The following GABRB2 variants were observed in gnomAD, a reference collection of about 807,000 sequenced individuals.
The protein encoded by GABRB2 is gamma-aminobutyric acid type A receptor subunit beta2, also known as gamma-aminobutyric acid receptor subunit beta-2.
In GABRB2, 16 loss-of-function variants were observed where a neutral mutation model predicts 54.7. The observed-to-expected ratio is 0.29, with a 90% CI of 0.20 to 0.44. GABRB2 has a LOEUF of 0.44. GABRB2 is among the 20% of genes least tolerant of loss of function. The pLI, the probability that GABRB2 is intolerant of heterozygous loss-of-function variation, is 1.00. For synonymous variants in GABRB2, 244 were observed against 233.8 expected, an observed-to-expected ratio of 1.04 and a Z score of -0.40; for missense variants, 355 against 644.0, an observed-to-expected ratio of 0.55 and a Z score of 4.86.
intron 3 of GABRB2, among the ~76,000 whole-genome samples, chr5:161,536,707 C>T (rs1760648508): frequency 6.6e-6 from 1 of 152,084 alleles, no homozygotes; most frequent in East Asian, 1.9e-4. Context: ...AGCAATTCTC[C>T]CTGCCTCAGC....
chr5:161,434,415 C>A (rs1394145296), intron 4 of GABRB2, among the ~76,000 whole-genome samples: 1 of 152,140 alleles, frequency 6.6e-6, no homozygotes, highest in Non-Finnish European at 1.5e-5. Flanking sequence ...AAGATAAAGT[C>A]CAGGCTCTTA....
intron 3 of GABRB2, among the ~76,000 whole-genome samples, chr5:161,522,255 G>A (rs1267610811): frequency 6.6e-6 from 1 of 151,766 alleles, no homozygotes; most frequent in Non-Finnish European, 1.5e-5. Flanking sequence ...CCTCTGGAAA[G>A]AGTATCCAGT....
chr5:161,448,880 A>G (rs1757711305), intron 4 of GABRB2, among the ~76,000 whole-genome samples: 1 of 152,192 alleles, frequency 6.6e-6, no homozygotes, highest in African/African-American at 2.4e-5. Flanking sequence ...CTGTATTTAT[A>G]AGAAAAGCAA....
At chr5:161,501,860 A>T (rs182315400) in intron 3 of GABRB2, among the ~76,000 whole-genome samples, 78 of 149,954 alleles carry the variant, frequency 5.2e-4, no homozygotes, top group Non-Finnish European at 1.0e-3. Flanking sequence ...CTAAAATATA[A>T]GTTAAATAAC....
intron 5 of GABRB2, among the ~76,000 whole-genome samples, chr5:161,354,807 C>CA (rs1041941796): frequency 3.9e-5 from 6 of 152,036 alleles, no homozygotes; most frequent in African/African-American, 1.2e-4. Flanking sequence ...AAGACTAATG[C>CA]AAAAAAATTA....
At chr5:161,514,331 A>G (rs1759868543) in intron 3 of GABRB2, among the ~76,000 whole-genome samples, 2 of 152,062 alleles carry the variant, frequency 1.3e-5, no homozygotes, top group South Asian at 4.1e-4. Flanking sequence ...CTACTCTCTC[A>G]TACATCCACC....
intron 9 of GABRB2, among the ~76,000 whole-genome samples, chr5:161,308,347 T>C (rs1757762421): frequency 2.0e-5 from 3 of 152,156 alleles, no homozygotes; most frequent in Non-Finnish European, 4.4e-5. Context: ...ACTACATCAA[T>C]TGAGCCAATG....
intron 3 of GABRB2, among the ~76,000 whole-genome samples, chr5:161,535,103 T>C (rs1252008593): frequency 6.6e-6 from 1 of 152,178 alleles, no homozygotes; most frequent in African/African-American, 2.4e-5. Context: ...AGGAAAATTA[T>C]TAGACAAGTT....
chr5:161,332,653 A>C (rs908527041), intron 7 of GABRB2, among the ~76,000 whole-genome samples: 10 of 152,226 alleles, frequency 6.6e-5, no homozygotes, highest in Non-Finnish European at 1.5e-4. Flanking sequence ...AAAGTTATAG[A>C]GTTGCCATTG....
intron 5 of GABRB2, among the ~76,000 whole-genome samples, chr5:161,337,863 C>A (rs1467384253): frequency 6.6e-6 from 1 of 152,068 alleles, no homozygotes; most frequent in Non-Finnish European, 1.5e-5. Context: ...TTTCAAAGAA[C>A]TTTTGCATCT....
At chr5:161,416,622 G>T (rs1271594688) in intron 4 of GABRB2, among the ~76,000 whole-genome samples, 3 of 146,730 alleles carry the variant, frequency 2.0e-5, no homozygotes, top group Non-Finnish European at 4.5e-5. Context: ...GCGTGAACCC[G>T]GGAGGCGGAG....
At chr5:161,362,752 T>C (rs2113454473) in intron 5 of GABRB2, among the ~76,000 whole-genome samples, 1 of 152,220 alleles carries the variant, frequency 6.6e-6, no homozygotes. Context: ...AAGACATTTA[T>C]GCAGCCAACA....
chr5:161,460,377 C>T (rs982074207), intron 3 of GABRB2, among the ~76,000 whole-genome samples: 1 of 152,142 alleles, frequency 6.6e-6, no homozygotes, highest in Non-Finnish European at 1.5e-5. Context: ...CATTCTTACC[C>T]AGTACCTGGC....
rs565963375 is a variant in GABRB2 at position 161,419,723 on chromosome 5, G to A, written c.459-8666C>T. Among the ~76,000 whole-genome samples, 4 of 152,258 alleles carry A rather than the reference G, an allele frequency of 2.6e-5. 1 individual carries two copies. In the South Asian group the frequency reaches 6.2e-4, roughly 24 times the overall value. On this transcript the variant is annotated intron_variant, in intron 4 of 9. Transcript: ENST00000393959. ...AATTCAGAAACAGAAAGGTAAATAC[G>A]GCATGTTCCTCACTTGTAAGTGGGA...
At chr5:161,323,195 G>T (rs1053011874) in intron 9 of GABRB2, among the ~76,000 whole-genome samples, 2 of 151,656 alleles carry the variant, frequency 1.3e-5, no homozygotes, top group Non-Finnish European at 2.9e-5. Flanking sequence ...CTAATTTTTT[G>T]TATCTTTAGC....
At position 161,375,593 on chromosome 5, in the gene GABRB2, A is replaced by G. The variant is rs79573071; in HGVS notation, c.541+35382T>C. 1.8e-4 allele frequency among the ~76,000 whole-genome samples: 27 copies of G among 152,290 alleles called. No homozygotes were observed. In the East Asian group the frequency reaches 4.6e-3, roughly 26 times the overall value. On this transcript the variant is annotated intron_variant, in intron 5 of 9. Transcript: ENST00000393959. ...GCTTCTGAATGAACAACATTATAGC[A>G]AGAGTAAGAACGAGGCTTTTGGAGT...
chr5:161,477,722 G>A (rs562513185), intron 3 of GABRB2, among the ~76,000 whole-genome samples: 8 of 151,984 alleles, frequency 5.3e-5, no homozygotes, highest in South Asian at 2.1e-4. Flanking sequence ...TGCCAAACAC[G>A]ATATGATTCC....
chr5:161,321,634 ATCAATAGTAATAAC>A (rs1758213038), intron 9 of GABRB2, among the ~76,000 whole-genome samples: 1 of 152,182 alleles, frequency 6.6e-6, no homozygotes, highest in African/African-American at 2.4e-5. Context: ...GTCATTATGT[ATCAATAGTAATAAC>A]TTAGGTTATA....
At chr5:161,511,791 C>G (rs895891462) in intron 3 of GABRB2, among the ~76,000 whole-genome samples, 7 of 151,958 alleles carry the variant, frequency 4.6e-5, no homozygotes, top group African/African-American at 1.4e-4. Context: ...ATTGTCTTCC[C>G]ATTATGAATG....
Sources: allele counts gnomAD v4.1 joint callset (sites outside exome capture counted in the v4.1 genomes callset), GRCh38; gene constraint gnomAD v4.1.1; transcripts MANE v1.5; gene names NCBI Gene and HGNC (gene_info 2026-07-23, HGNC 2026-07-21).